XKR4: variants seen among roughly 807,000 people sequenced by gnomAD.
XKR4 encodes XK related 4.
A neutral mutation model predicts 53.9 loss-of-function variants in XKR4; 12 were observed. The ratio of observed to expected loss-of-function variants is 0.22; its 90% CI spans 0.14 to 0.36. XKR4 has a LOEUF of 0.36. Ranked by LOEUF, XKR4 falls within the 10% of genes least tolerant of loss-of-function variation. The probability of loss-of-function intolerance (pLI) is 1.00; values close to 1 mark genes in which losing one functional copy is unlikely to be tolerated. For synonymous variants in XKR4, 354 were observed against 362.4 expected (o/e 0.98, Z 0.26); for missense variants, 799 against 859.5 (o/e 0.93, Z 0.88).
At chr8:55,299,923 T>C (rs1285933371) in intron 1 of XKR4, among the ~76,000 whole-genome samples, 1 of 152,018 alleles carries the variant, frequency 6.6e-6, no homozygotes, top group Non-Finnish European at 1.5e-5. Flanking sequence ...CAGATTTAGA[T>C]GTCACCAACT....
chr8:55,211,000 G>A (rs1351038744), intron 1 of XKR4, among the ~76,000 whole-genome samples: 1 of 152,222 alleles, frequency 6.6e-6, no homozygotes, highest in Non-Finnish European at 1.5e-5. Flanking sequence ...AGTATCCTGT[G>A]TAGTCTTTCT....
chr8:55,395,555 T>A (rs1344529282), intron 2 of XKR4, among the ~76,000 whole-genome samples: 2 of 152,018 alleles, frequency 1.3e-5, no homozygotes, highest in African/African-American at 4.8e-5. Context: ...AGTCTGGAAT[T>A]CATAGATAGG....
intron 1 of XKR4, among the ~76,000 whole-genome samples, chr8:55,255,782 A>C (rs546699190): frequency 1.3e-5 from 2 of 152,132 alleles, no homozygotes; most frequent in East Asian, 1.9e-4. Flanking sequence ...CATAAATTAC[A>C]TGAGCTGTGA....
chr8:55,427,722 C>A (rs2622600), intron 2 of XKR4, among the ~76,000 whole-genome samples: 19 of 152,094 alleles, frequency 1.2e-4, no homozygotes, highest in African/African-American at 4.3e-4. Context: ...AAGAGCAAAT[C>A]TGCCTCAACA....
At chr8:55,412,643 A>G (rs1028982899) in intron 2 of XKR4, among the ~76,000 whole-genome samples, 9 of 152,236 alleles carry the variant, frequency 5.9e-5, no homozygotes, top group African/African-American at 2.2e-4. Flanking sequence ...ATGTAAAACA[A>G]TGGAAACAAA....
chr8:55,310,131 A>G (rs1819367329), intron 1 of XKR4, among the ~76,000 whole-genome samples: 1 of 152,192 alleles, frequency 6.6e-6, no homozygotes, highest in African/African-American at 2.4e-5. Context: ...AAAAAAGAAG[A>G]AAAAGAAAAA....
At chr8:55,384,151 G>C (rs1804275089) in intron 2 of XKR4, among the ~76,000 whole-genome samples, 3 of 152,196 alleles carry the variant, frequency 2.0e-5, no homozygotes, top group Non-Finnish European at 4.4e-5. Context: ...CACAGGACGT[G>C]TTTCAGGAAG....
chr8:55,371,271 G>T (rs1161646738), intron 2 of XKR4, among the ~76,000 whole-genome samples: 1 of 151,868 alleles, frequency 6.6e-6, no homozygotes, highest in Non-Finnish European at 1.5e-5. Context: ...AACAAAACCA[G>T]ACTGGGGATG....
At chr8:55,180,083 T>C (rs533204089) in intron 1 of XKR4, among the ~76,000 whole-genome samples, 7 of 152,338 alleles carry the variant, frequency 4.6e-5, no homozygotes, top group Admixed American at 3.9e-4. Flanking sequence ...ACACATGGAT[T>C]ATAAACCCTT....
At chr8:55,454,191 G>A in intron 2 of XKR4, 1 of 1,023,980 alleles carries the variant, frequency 9.8e-7, no homozygotes, top group Admixed American at 1.7e-5. Context: ...CTCTGCAGTG[G>A]CTCTAGCAAG....
chr8:55,396,398 G>GTTTTTTT (rs1478254228), intron 2 of XKR4, among the ~76,000 whole-genome samples: 2 of 36,476 alleles, frequency 5.5e-5, no homozygotes, highest in African/African-American at 2.3e-4. Flanking sequence ...TTTTTTGTTT[G>GTTTTTTT]GTTTTTTTTT....
At chr8:55,197,482 G>A (rs568630422) in intron 1 of XKR4, among the ~76,000 whole-genome samples, 7 of 152,078 alleles carry the variant, frequency 4.6e-5, no homozygotes, top group African/African-American at 1.4e-4. Flanking sequence ...AGCTCCATAT[G>A]AGCTTTCTAT....
chr8:55,141,109 A>T (rs1020484366), intron 1 of XKR4, among the ~76,000 whole-genome samples: 13 of 152,124 alleles, frequency 8.5e-5, no homozygotes, highest in African/African-American at 2.7e-4. Context: ...ACCCATTAGC[A>T]ATCAGTCCCC....
intron 2 of XKR4, among the ~76,000 whole-genome samples, chr8:55,389,606 C>T (rs1342941738): frequency 2.0e-5 from 3 of 152,256 alleles, no homozygotes; most frequent in Non-Finnish European, 2.9e-5. Context: ...GATATACCAT[C>T]CACGTGAGAA....
At chr8:55,429,468 G>A (rs1220992133) in intron 2 of XKR4, among the ~76,000 whole-genome samples, 1 of 152,102 alleles carries the variant, frequency 6.6e-6, no homozygotes, top group Non-Finnish European at 1.5e-5. Context: ...CCAGAACTTT[G>A]GGAGCCAAGG....
chr8:55,143,477 T>C (rs1337451154), intron 1 of XKR4, among the ~76,000 whole-genome samples: 1 of 152,238 alleles, frequency 6.6e-6, no homozygotes, highest in Admixed American at 6.5e-5. Flanking sequence ...TATAAAAAAT[T>C]ATCTAACTTC....
chr8:55,118,534 A>C (rs887110948), intron 1 of XKR4, among the ~76,000 whole-genome samples: 25 of 152,218 alleles, frequency 1.6e-4, no homozygotes, highest in Non-Finnish European at 5.9e-5. Context: ...CTAACAGTCC[A>C]GCATAGGCAA....
rs1458268727 is a variant in XKR4 at position 55,524,432 on chromosome 8, T to G, written c.*205T>G. ...GCACCCGAGAGTCTCTGACTCCACC[T>G]GAAAGAATGACGCTGGCTTAATAGG... On this transcript the variant is annotated 3_prime_UTR_variant, in exon 3 of 3. Coordinates refer to ENST00000327381, the MANE Select transcript of XKR4 (RefSeq NM_052898.2). 7 of 594,746 alleles carry G rather than the reference T, an allele frequency of 1.2e-5. No individual in the cohort carries two copies. The Admixed American group carries it at 2.1e-4, about 18-fold the overall frequency. The allele number at this position is 594,746 out of a possible 1,614,324, so 36.8% of individuals were successfully genotyped here.
rs10093663 is a variant in XKR4 at position 55,149,160 on chromosome 8, G to T, written c.806+45866G>T. On this transcript the variant is annotated intron_variant, in intron 1 of 2. Coordinates refer to ENST00000327381, the MANE Select transcript of XKR4 (RefSeq NM_052898.2). ...TGGCCTGAGCCTTGCAAGCAGAGCTGCTGGCTGTGTCTCTGCCATTCGAGA... is the reference window on the plus strand; with the variant it reads ...TGGCCTGAGCCTTGCAAGCAGAGCTTCTGGCTGTGTCTCTGCCATTCGAGA... Among the ~76,000 whole-genome samples, 674 of 152,276 alleles carry T rather than the reference G, an allele frequency of 4.4e-3. 5 individuals are homozygous for T. The highest frequency in any genetic ancestry group is 6.8e-3 in the Middle Eastern group (2 of 294).
Sources: gnomAD v4.1 joint callset for allele counts (sites outside exome capture counted in the v4.1 genomes callset) on GRCh38, gnomAD v4.1.1 for gene constraint, MANE v1.5 for transcripts, NCBI Gene and HGNC (gene_info 2026-07-23, HGNC 2026-07-21) for gene names.